Variants in KIF26B observed in about 807,000 individuals in gnomAD.
The protein encoded by KIF26B is kinesin-like protein KIF26B.
KIF26B carries 63 observed loss-of-function variants against 151.2 expected under a neutral mutation model. The ratio of observed to expected loss-of-function variants is 0.42; its 90% CI spans 0.34 to 0.51. The LOEUF is 0.51. Ranked by LOEUF, KIF26B falls within the 20% of genes least tolerant of loss-of-function variation. The pLI, the probability that KIF26B is intolerant of heterozygous loss-of-function variation, is 0.07. For missense variants in KIF26B, 2,813 were observed against 2,913.6 expected (o/e 0.97, Z 0.79); for synonymous variants, 1,357 against 1,262.1 (o/e 1.08, Z -1.59).
rs2044522883 is a variant in KIF26B at position 245,686,515 on chromosome 1, C to G, written c.3532C>G (p.Gln1178Glu). 6.2e-7 allele frequency: 1 copy of G among 1,612,936 alleles called. No homozygotes were observed. Among genetic ancestry groups the G allele is most frequent in the African/African-American group, 1.3e-5 (1 of 74,946 alleles). Residue 1178 changes from glutamine (Q) to glutamate (E), a missense_variant, in exon 12 of 15, where the codon CAG (glutamine) becomes GAG (glutamate). By Grantham distance (29) the Gln-to-Glu change is conservative. Transcript: ENST00000407071. This position sits in a 1 kb window ranked among gnomAD's most constrained non-coding sequence, Gnocchi z 5.6. ...ILSTTMVTVQ[Q>E]PLELNGEDEL... Reference sequence around the variant, plus strand: ...GAGCACCACGATGGTGACGGTGCAGCAGCCACTGGAGCTGAACGGTGAGGA... The same window carrying G: ...GAGCACCACGATGGTGACGGTGCAGGAGCCACTGGAGCTGAACGGTGAGGA...
At chr1:245,212,918 G>T (rs1669574027) in intron 2 of KIF26B, among the ~76,000 whole-genome samples, 2 of 152,234 alleles carry the variant, frequency 1.3e-5, no homozygotes, top group African/African-American at 2.4e-5. Flanking sequence ...ATTGATGGGG[G>T]TTCTCCCTGG....
rs150834033 is a variant in KIF26B, at chr1:245,688,307, C to G, written c.5324C>G (p.Pro1775Arg). The change falls in exon 12 of 15, where the codon CCC (proline) becomes CGC (arginine). Residue 1775 changes from proline to arginine, a missense_variant. Physicochemically the swap from Pro to Arg is moderately radical, Grantham distance 103 (BLOSUM62 -2). This residue lies in a region of KIF26B where 2,060 missense variants were observed against 2,088.6 expected (regional missense o/e 0.99). Transcript: ENST00000407071. ...QAVGQGSSSP[P>R]GGKHTPWSTQ... Reference sequence around the variant, plus strand: ...GTGGGCCAGGGCTCCAGCTCGCCCCCCGGTGGGAAGCACACGCCCTGGTCC... The same window carrying G: ...GTGGGCCAGGGCTCCAGCTCGCCCCGCGGTGGGAAGCACACGCCCTGGTCC... 0.037 allele frequency: 58,646 copies of G among 1,595,550 alleles called. 1,308 individuals are homozygous for G. Among genetic ancestry groups the G allele is most frequent in the Non-Finnish European group, 0.043 (50,475 of 1,178,008 alleles).
chr1:245,568,141 T>C (rs2043028395), intron 5 of KIF26B, among the ~76,000 whole-genome samples: 1 of 125,698 alleles, frequency 8.0e-6, no homozygotes, highest in Non-Finnish European at 1.5e-5. Flanking sequence ...GCCGAGATCA[T>C]GTCCCTGCAC....
At chr1:245,411,695 C>T (rs967647163) in intron 3 of KIF26B, among the ~76,000 whole-genome samples, 7 of 152,096 alleles carry the variant, frequency 4.6e-5, no homozygotes, top group Admixed American at 2.6e-4. Flanking sequence ...TTCTTGGAGA[C>T]CCCTCTGCCA....
chr1:245,491,305 A>G (rs1314910506), intron 4 of KIF26B, among the ~76,000 whole-genome samples: 1 of 152,190 alleles, frequency 6.6e-6, no homozygotes, highest in Non-Finnish European at 1.5e-5. Context: ...AAAAGAAGAT[A>G]ACTTTATATC....
intron 2 of KIF26B, among the ~76,000 whole-genome samples, chr1:245,327,836 C>T (rs965952889): frequency 2.6e-5 from 4 of 152,072 alleles, no homozygotes; most frequent in Non-Finnish European, 4.4e-5. Flanking sequence ...GAAAAGAGAG[C>T]GTTTATGTTT....
intron 2 of KIF26B, among the ~76,000 whole-genome samples, chr1:245,217,698 C>T (rs71636528): frequency 0.1 from 15,737 of 152,160 alleles, 1,149 homozygotes; most frequent in Admixed American, 0.22. Context: ...TCACGACACA[C>T]ATATTATTCC....
At chr1:245,398,710 A>C (rs1046783311) in intron 3 of KIF26B, among the ~76,000 whole-genome samples, 1 of 151,974 alleles carries the variant, frequency 6.6e-6, no homozygotes, top group African/African-American at 2.4e-5. Context: ...CCCTCTGTAA[A>C]GTCCTCAAAA....
Position 245,569,927 on chromosome 1 carries a change from ATTTTTTTTT to A in KIF26B, c.1350+28995_1350+29003del, listed in dbSNP as rs869238168. On this transcript the variant is annotated intron_variant, in intron 5 of 14. Transcript: ENST00000407071. ...GGGAAACCTACGTTGTAAATAGAGA[ATTTTTTTTT>A]TTTTTTTTTTTTTTTTTGAGACGGA... is the stretch of plus-strand genomic sequence containing the variant. Among the ~76,000 whole-genome samples, 6 of 47,652 alleles carry A rather than the reference ATTTTTTTTT, an allele frequency of 1.3e-4. 1 individual carries two copies. Among genetic ancestry groups the A allele is most frequent in the African/African-American group, 4.3e-4 (5 of 11,540 alleles). The allele number at this position is 47,652 out of a possible 152,430, so 31.3% of individuals were successfully genotyped here. A position where few individuals can be genotyped will look rare whatever the true frequency, so the allele number is the denominator to read the frequency against.
intron 3 of KIF26B, among the ~76,000 whole-genome samples, chr1:245,416,149 G>A (rs12124381): frequency 0.13 from 18,624 of 148,754 alleles, 1,276 homozygotes; most frequent in Non-Finnish European, 0.15. Context: ...GCACAGGGGC[G>A]CATGCCTGTA....
At chr1:245,513,259 G>A (rs1002412160) in intron 4 of KIF26B, among the ~76,000 whole-genome samples, 2 of 151,176 alleles carry the variant, frequency 1.3e-5, no homozygotes, top group Admixed American at 1.3e-4. Flanking sequence ...TTTTCGTGGA[G>A]GACCGAGAGT....
intron 2 of KIF26B, among the ~76,000 whole-genome samples, chr1:245,189,566 G>C (rs1343408101): frequency 6.6e-6 from 1 of 152,200 alleles, no homozygotes; most frequent in African/African-American, 2.4e-5. Context: ...AGGCTGTGGA[G>C]TGTTCTTGTT....
chr1:245,622,666 C>G (rs2043677135), intron 9 of KIF26B, among the ~76,000 whole-genome samples: 1 of 152,202 alleles, frequency 6.6e-6, no homozygotes, highest in South Asian at 2.1e-4. Context: ...TGCCATTTTC[C>G]TTCTGTGCAG....
At chr1:245,363,220 G>A (rs373289430) in intron 2 of KIF26B, among the ~76,000 whole-genome samples, 48 of 152,236 alleles carry the variant, frequency 3.2e-4, no homozygotes, top group African/African-American at 8.9e-4. Context: ...TTTTTGAGAC[G>A]GAGTCTCGCT....
At chr1:245,216,611 C>G (rs559954082) in intron 2 of KIF26B, among the ~76,000 whole-genome samples, 1 of 152,258 alleles carries the variant, frequency 6.6e-6, no homozygotes, top group East Asian at 1.9e-4. Context: ...GTATTGTAGC[C>G]TTTCGGAAAG....
chr1:245,476,107 T>C (rs1465315165), intron 4 of KIF26B, among the ~76,000 whole-genome samples: 1 of 151,946 alleles, frequency 6.6e-6, no homozygotes, highest in Non-Finnish European at 1.5e-5. Context: ...CATGCTGCCA[T>C]GTGGATGGAC....
intron 9 of KIF26B, among the ~76,000 whole-genome samples, chr1:245,645,564 G>A (rs1412523133): frequency 6.6e-6 from 1 of 152,210 alleles, no homozygotes; most frequent in East Asian, 1.9e-4. Context: ...ACTGATGTTT[G>A]TACAGCACCT....
chr1:245,473,816 G>A (rs564113695), intron 4 of KIF26B, among the ~76,000 whole-genome samples: 2 of 152,000 alleles, frequency 1.3e-5, no homozygotes, highest in African/African-American at 4.8e-5. Context: ...AAGAGAACAG[G>A]AATCCCTGCA....
rs998712351 is a variant in KIF26B, at chr1:245,705,190, A to C, written c.*2584A>C. 5.3e-5 allele frequency: 8 copies of C among 152,362 alleles called. 1 individual carries two copies. In the Middle Eastern group the frequency reaches 0.014, roughly 259 times the overall value. 9.4% of individuals were successfully genotyped at this position (152,362 alleles called of 1,614,324 possible). A position where few individuals can be genotyped will look rare whatever the true frequency, so the allele number is the denominator to read the frequency against. On this transcript the variant is annotated 3_prime_UTR_variant, in exon 15 of 15. Coordinates refer to ENST00000407071, the MANE Select transcript of KIF26B (RefSeq NM_018012.4). Reference sequence around the variant, plus strand: ...AAGTCAGACTCCTTCCCAAGATGGCAATCACAGAACACCTCGCAGGATCTC... The same window carrying C: ...AAGTCAGACTCCTTCCCAAGATGGCCATCACAGAACACCTCGCAGGATCTC...
Sources: gnomAD v4.1 joint callset for allele counts (sites outside exome capture counted in the v4.1 genomes callset) on GRCh38, gnomAD v4.1.1 for gene constraint, gnomAD v4.1.1 regional missense constraint, Gnocchi (gnomAD v3.1) non-coding constraint, MANE v1.5 for transcripts, NCBI Gene and HGNC (gene_info 2026-07-23, HGNC 2026-07-21) for gene names.